DSP: variants seen among roughly 807,000 people sequenced by gnomAD.
DSP encodes the protein desmoplakin, also known as 250/210 kDa paraneoplastic pemphigus antigen.
DSP carries 114 observed loss-of-function variants against 290.6 expected under a neutral mutation model. That is an observed-to-expected ratio of 0.39 (90% CI 0.34 to 0.46). The LOEUF (loss-of-function observed/expected upper bound fraction) is 0.46. Ranked by LOEUF, DSP falls within the 20% of genes least tolerant of loss-of-function variation. The probability of loss-of-function intolerance (pLI) is 0.99; values close to 1 mark genes in which losing one functional copy is unlikely to be tolerated. For missense variants in DSP, 3,230 were observed against 3,495.8 expected, an observed-to-expected ratio of 0.92 and a Z score of 1.92; for synonymous variants, 1,311 against 1,316.4, an observed-to-expected ratio of 1.00 and a Z score of 0.09.
chr6:7,551,199 T>G (rs1426836499), intron 1 of DSP, among the ~76,000 whole-genome samples: 1 of 152,142 alleles, frequency 6.6e-6, no homozygotes, highest in African/African-American at 2.4e-5. Context: ...GGTGAAGAAA[T>G]CTTACATACC....
At chr6:7,552,665 T>C (rs986206316) in intron 1 of DSP, among the ~76,000 whole-genome samples, 1 of 115,260 alleles carries the variant, frequency 8.7e-6, no homozygotes, top group African/African-American at 3.1e-5. Flanking sequence ...ACCTGTTGTT[T>C]TTTTTTTTTT....
At position 7,583,665 on chromosome 6, in the gene DSP, G is replaced by A. The variant is rs1416815807; in HGVS notation, c.6403G>A (p.Val2135Ile). The A allele has an allele frequency of 1.2e-6, 2 of 1,614,054 alleles. No homozygotes were observed. The highest frequency in any genetic ancestry group is 2.7e-5 in the African/African-American group (2 of 74,906). ...LEAQIASGGV[V>I]DPVNSVFLPK... ...AGCCCAGATTGCTTCAGGGGGTGTAGTAGACCCTGTGAACAGTGTCTTTTT... is the reference window on the plus strand; with the variant it reads ...AGCCCAGATTGCTTCAGGGGGTGTAATAGACCCTGTGAACAGTGTCTTTTT... Residue 2135 changes from valine to isoleucine, a missense_variant, in exon 24 of 24, where the codon GTA (valine) becomes ATA (isoleucine). Physicochemically the swap from Val to Ile is conservative, Grantham distance 29. Transcript: ENST00000379802. The surrounding 1 kb of genome is among the most constrained non-coding windows in gnomAD (Gnocchi z 4.0).
intron 6 of DSP, 96 bp downstream of exon 6, chr6:7,563,882 T>A: frequency 9.6e-7 from 1 of 1,040,362 alleles, no homozygotes; most frequent in Non-Finnish European, 1.5e-6. Context: ...GGGAGGCACC[T>A]GTTCATCGAT....
chr6:7,559,120 G>A (rs1758593259), intron 3 of DSP, 106 bp from the exon 4 acceptor site: 6 of 1,269,262 alleles, frequency 4.7e-6, no homozygotes, highest in East Asian at 2.3e-5. Context: ...TAAAACATTT[G>A]TAGCTTCTCT....
In DSP at chr6:7,582,627, C is replaced by A. The variant is rs753028657; in HGVS notation, c.5380-15C>A. On this transcript the variant is annotated splice_polypyrimidine_tract_variant and intron_variant, in intron 23 of 23. Coordinates refer to ENST00000379802, the MANE Select transcript of DSP (RefSeq NM_004415.4). The surrounding 1 kb of genome is among the most constrained non-coding windows in gnomAD (Gnocchi z 4.2). Reference sequence around the variant, plus strand: ...AAACATTATTTTTTCCCATTTCTTTCTTCTTCAATTCCAGGCATCTAATAG... The same window carrying A: ...AAACATTATTTTTTCCCATTTCTTTATTCTTCAATTCCAGGCATCTAATAG... The A allele has an allele frequency of 1.1e-5, 18 of 1,600,876 alleles. No homozygotes were observed. Among genetic ancestry groups the A allele is most frequent in the Middle Eastern group, 1.7e-4 (1 of 6,048 alleles).
intron 2 of DSP, 77 bp downstream of exon 2, chr6:7,555,897 C>T: frequency 7.3e-7 from 1 of 1,367,340 alleles, no homozygotes; most frequent in Non-Finnish European, 1.0e-6. Context: ...CTTCTGCTGG[C>T]CGGGGCCTAT....
chr6:7,581,151 T>C lies in DSP; in HGVS notation c.4961T>C (p.Leu1654Pro), dbSNP rs749730642. The change falls in exon 23 of 24, where the codon CTG becomes CCG. Residue 1654 changes from leucine to proline, a missense_variant. By Grantham distance (98) the Leu-to-Pro change is moderately conservative (BLOSUM62 -3). Around this residue, in one of 5 missense-constraint regions of DSP, gnomAD observed 1,714 missense variants for 1,844.5 expected, o/e 0.93. Transcript: ENST00000379802. ...LREKQRTQEE[L>P]RRLSSEVEAL... ...GAAAAGCAGAGGACCCAGGAAGAGC[T>C]GAGGAGGCTCTCTTCTGAGGTCGAG... 1.1e-5 allele frequency: 18 copies of C among 1,613,956 alleles called. No homozygotes were observed. Among genetic ancestry groups the C allele is most frequent in the Non-Finnish European group, 1.4e-5 (16 of 1,180,020 alleles).
chr6:7,577,965 CT>C, intron 21 of DSP, 79 bp downstream of exon 21: 5 of 1,135,036 alleles, frequency 4.4e-6, no homozygotes, highest in Non-Finnish European at 4.0e-6. Flanking sequence ...TGCCTCTTCC[CT>C]TTTCCCTGTC....
Position 7,580,483 on chromosome 6 carries a change from A to G in DSP, c.4293A>G (p.Gln1431=). The part of the protein sequence containing the change: ...ENLRRVEEDI[Q]QQKATGSEVS... ...TCAGGAGGGTGGAAGAAGACATCCA[A>G]CAGCAAAAGGCCACTGGCTCTGAGG... The change falls in exon 23 of 24, where the codon CAA becomes CAG. Residue 1431 remains glutamine (Q), a synonymous_variant. Transcript: ENST00000379802. This position sits in a 1 kb window ranked among gnomAD's most constrained non-coding sequence, Gnocchi z 4.2. 6.2e-7 allele frequency: 1 copy of G among 1,614,032 alleles called. No homozygotes were observed. Among genetic ancestry groups the G allele is most frequent in the Non-Finnish European group, 8.5e-7 (1 of 1,180,008 alleles).
At chr6:7,550,697 TTAAGGA>T (rs1453918340) in intron 1 of DSP, among the ~76,000 whole-genome samples, 2 of 152,170 alleles carry the variant, frequency 1.3e-5, no homozygotes, top group African/African-American at 4.8e-5. Context: ...TTAAAAACTT[TTAAGGA>T]TGAGTTATTT....
In DSP at chr6:7,585,968, C is replaced by G. The variant is rs1759660723; in HGVS notation, c.*90C>G. 5 of 1,310,228 alleles carry G rather than the reference C, an allele frequency of 3.8e-6. No individual in the cohort carries two copies. Among genetic ancestry groups the G allele is most frequent in the Non-Finnish European group, 4.3e-6 (4 of 920,710 alleles). The allele number at this position is 1,310,228 out of a possible 1,614,324, so 81.2% of individuals were successfully genotyped here. ...ATAGAAAAGAAAATCCCGGTGCTTG[C>G]AGTAGAGTGATAGGACATTCTATGC... On this transcript the variant is annotated 3_prime_UTR_variant, in exon 24 of 24. Coordinates refer to ENST00000379802, the MANE Select transcript of DSP (RefSeq NM_004415.4).
At chr6:7,576,203 G>C in intron 18 of DSP, 91 bp from the exon 19 acceptor site, 1 of 1,390,042 alleles carries the variant, frequency 7.2e-7, no homozygotes, top group Non-Finnish European at 1.0e-6. Context: ...AGTTTTCTTG[G>C]GTATATATCA....
intron 1 of DSP, among the ~76,000 whole-genome samples, chr6:7,542,612 G>A (rs1758032639): frequency 6.6e-6 from 1 of 152,112 alleles, no homozygotes; most frequent in African/African-American, 2.4e-5. Context: ...TGGACTCCTC[G>A]GCCACCCAAG....
At position 7,563,843 on chromosome 6, in the gene DSP, G is replaced by T. The variant is rs76189583; in HGVS notation, c.777+57G>T. On this transcript the variant is annotated intron_variant, in intron 6 of 23. Transcript: ENST00000379802. ...TTTCTGTTGTTTCCAATTCAATTCAGTTCAAGAAATATCAAGCACATCCTG... is the reference window on the plus strand; with the variant it reads ...TTTCTGTTGTTTCCAATTCAATTCATTTCAAGAAATATCAAGCACATCCTG... 4.3e-4 allele frequency: 656 copies of T among 1,516,908 alleles called. 5 individuals are homozygous for T. The African/African-American group carries it at 8.3e-3, about 19-fold the overall frequency. 94.0% of individuals were successfully genotyped at this position (1,516,908 alleles called of 1,614,324 possible).
chr6:7,568,744 C>T (rs979532819), intron 11 of DSP, among the ~76,000 whole-genome samples, 155 bp downstream of exon 11: 1 of 152,226 alleles, frequency 6.6e-6, no homozygotes, highest in African/African-American at 2.4e-5. Flanking sequence ...AAAGCAGCAG[C>T]TCTGTTCTGA....
At chr6:7,555,563 AAAG>A (rs1371519729) in intron 1 of DSP, among the ~76,000 whole-genome samples, 152 bp from the exon 2 acceptor site, 1 of 152,224 alleles carries the variant, frequency 6.6e-6, no homozygotes, top group African/African-American at 2.4e-5. Context: ...AAGGGGGATA[AAAG>A]AAACACAACA....
At chr6:7,567,304 C>A (rs764288986) in intron 8 of DSP, 50 bp from the exon 9 acceptor site, 1 of 1,421,808 alleles carries the variant, frequency 7.0e-7, no homozygotes, top group South Asian at 1.1e-5. Flanking sequence ...GGTGTTCATG[C>A]ATCTGTACAA....
chr6:7,574,564 CGTT>C, intron 16 of DSP, 90 bp from the exon 17 acceptor site: 2 of 1,551,410 alleles, frequency 1.3e-6, no homozygotes, highest in South Asian at 1.1e-5. Context: ...TCTGCTTTGA[CGTT>C]GTTCCCTTTC....
intron 1 of DSP, among the ~76,000 whole-genome samples, chr6:7,544,213 A>G (rs1466777103): frequency 1.3e-5 from 2 of 152,204 alleles, no homozygotes; most frequent in Non-Finnish European, 2.9e-5. Context: ...CAGTGGTGCT[A>G]CTGACTACAA....
Sources: gnomAD v4.1 joint callset for allele counts (sites outside exome capture counted in the v4.1 genomes callset) on GRCh38, gnomAD v4.1.1 for gene constraint, gnomAD v4.1.1 regional missense constraint, Gnocchi (gnomAD v3.1) non-coding constraint, MANE v1.5 for transcripts, NCBI Gene and HGNC (gene_info 2026-07-23, HGNC 2026-07-21) for gene names.